Variants in ANKRD11 observed in about 807,000 individuals in gnomAD.
The protein encoded by ANKRD11 is ankyrin repeat domain 11, also known as ankyrin repeat domain-containing protein 11.
ANKRD11 carries 17 observed loss-of-function variants against 195.7 expected under a neutral mutation model. The ratio of observed to expected loss-of-function variants is 0.09; its 90% CI spans 0.06 to 0.13. ANKRD11 has a LOEUF of 0.13. Ranked by LOEUF, ANKRD11 falls within the 10% of genes least tolerant of loss-of-function variation. The pLI, the probability that ANKRD11 is intolerant of heterozygous loss-of-function variation, is 1.00. For synonymous variants in ANKRD11, 1,953 were observed against 1,528.1 expected (o/e 1.28, Z -6.49); for missense variants, 3,735 against 3,566.1 (o/e 1.05, Z -1.21).
intron 2 of ANKRD11, among the ~76,000 whole-genome samples, chr16:89,341,758 C>T (rs1232401018): frequency 6.6e-6 from 1 of 152,214 alleles, no homozygotes; most frequent in Non-Finnish European, 1.5e-5. Flanking sequence ...TCTCTCTGCA[C>T]AAACGTGCAC....
At chr16:89,369,470 G>A (rs141216394) in intron 2 of ANKRD11, among the ~76,000 whole-genome samples, 1,942 of 152,312 alleles carry the variant, frequency 0.013, 22 homozygotes, top group South Asian at 0.037. Context: ...GCATGGGTGC[G>A]CCGCAACAGC....
At chr16:89,478,536 G>A (rs2057336335) in intron 1 of ANKRD11, among the ~76,000 whole-genome samples, 1 of 152,070 alleles carries the variant, frequency 6.6e-6, no homozygotes, top group South Asian at 2.1e-4. Flanking sequence ...CTCCAAAAAA[G>A]CAACCTGGAC....
chr16:89,303,112 G>T (rs959185431), intron 4 of ANKRD11, among the ~76,000 whole-genome samples: 1 of 152,126 alleles, frequency 6.6e-6, no homozygotes, highest in Non-Finnish European at 1.5e-5. Context: ...GGTAGCCCTG[G>T]GAACGCCACC....
At chr16:89,414,943 A>G (rs906533531) in intron 2 of ANKRD11, among the ~76,000 whole-genome samples, 1 of 152,142 alleles carries the variant, frequency 6.6e-6, no homozygotes, top group African/African-American at 2.4e-5. Flanking sequence ...CACCTGTAAC[A>G]TTCTTATTCT....
chr16:89,469,360 T>C (rs1051288239), intron 1 of ANKRD11, among the ~76,000 whole-genome samples: 2 of 152,054 alleles, frequency 1.3e-5, no homozygotes, highest in East Asian at 1.9e-4. Flanking sequence ...CAGCTGGGAA[T>C]AGAGGCAAAC....
In ANKRD11 at chr16:89,328,539, T is replaced by C. The variant is rs12598938; in HGVS notation, c.-59-11461A>G. On this transcript the variant is annotated intron_variant, in intron 2 of 12. Coordinates refer to ENST00000301030, the MANE Select transcript of ANKRD11 (RefSeq NM_013275.6). ...ATGGCTATGGATACACCCAAGCGTA[T>C]GGGTGAATCTGCAGAGGCCCCTGCT... Among the ~76,000 whole-genome samples, 337 of 151,612 alleles carry C rather than the reference T, an allele frequency of 2.2e-3. 3 individuals carry two copies. The highest frequency in any genetic ancestry group is 7.9e-3 in the African/African-American group (322 of 40,914).
At chr16:89,471,531 G>A (rs908021115) in intron 1 of ANKRD11, among the ~76,000 whole-genome samples, 1 of 151,412 alleles carries the variant, frequency 6.6e-6, no homozygotes. Flanking sequence ...GGTGCCTCAC[G>A]CCTATAATCC....
At chr16:89,334,373 A>C (rs2038238598) in intron 2 of ANKRD11, among the ~76,000 whole-genome samples, 1 of 152,000 alleles carries the variant, frequency 6.6e-6, no homozygotes, top group Non-Finnish European at 1.5e-5. Context: ...GAACAGAAAC[A>C]ACCTCCTCTC....
intron 2 of ANKRD11, among the ~76,000 whole-genome samples, chr16:89,413,476 T>C (rs1266342450): frequency 1.3e-5 from 2 of 152,040 alleles, no homozygotes; most frequent in African/African-American, 4.8e-5. Context: ...ATACAAAAAA[T>C]TAGCCGGGCG....
intron 4 of ANKRD11, chr16:89,301,431 A>C (rs2035846835): frequency 7.6e-6 from 3 of 397,064 alleles, no homozygotes; most frequent in African/African-American, 2.1e-5. Flanking sequence ...ACAGACTTCA[A>C]AAGCAGATAC....
chr16:89,318,145 G>A (rs552061515), intron 2 of ANKRD11, among the ~76,000 whole-genome samples: 1 of 152,312 alleles, frequency 6.6e-6, no homozygotes, highest in African/African-American at 2.4e-5. Flanking sequence ...GCGACACACG[G>A]TGCGAGCGCA....
chr16:89,394,013 C>T (rs186684639), intron 2 of ANKRD11, among the ~76,000 whole-genome samples: 21 of 152,320 alleles, frequency 1.4e-4, no homozygotes, highest in Admixed American at 1.3e-3. Context: ...TCCCAGACCC[C>T]AGTGTTTGCT....
chr16:89,269,528 G>A (rs893829189), intron 12 of ANKRD11, among the ~76,000 whole-genome samples: 1 of 152,054 alleles, frequency 6.6e-6, no homozygotes, highest in Admixed American at 6.6e-5. Flanking sequence ...ATACCCTTTG[G>A]ATGTTCCAAA....
chr16:89,376,433 C>A (rs1261738731), intron 2 of ANKRD11, among the ~76,000 whole-genome samples: 2 of 152,130 alleles, frequency 1.3e-5, no homozygotes, highest in Admixed American at 6.6e-5. Context: ...TGTGCCTGAA[C>A]AGGGTTTTGT....
intron 1 of ANKRD11, 87 bp from the exon 2 acceptor site, chr16:89,418,455 A>C (rs1334415266): frequency 5.2e-6 from 2 of 383,116 alleles, no homozygotes; most frequent in Non-Finnish European, 1.1e-5. Context: ...CATTTGGTCC[A>C]CACGGTTTAT....
intron 1 of ANKRD11, among the ~76,000 whole-genome samples, chr16:89,423,617 A>T (rs2042601560): frequency 6.6e-6 from 1 of 152,236 alleles, no homozygotes; most frequent in Admixed American, 6.5e-5. Flanking sequence ...CACCTGACCC[A>T]ACTCAACTCA....
chr16:89,292,717 C>G (rs1895665645), intron 4 of ANKRD11, among the ~76,000 whole-genome samples: 1 of 152,244 alleles, frequency 6.6e-6, no homozygotes, highest in Non-Finnish European at 1.5e-5. Context: ...TTGGCCCCAG[C>G]CCCTCATAGA....
intron 2 of ANKRD11, among the ~76,000 whole-genome samples, chr16:89,391,727 G>C (rs945783495): frequency 6.6e-6 from 1 of 152,304 alleles, no homozygotes; most frequent in East Asian, 1.9e-4. Flanking sequence ...AAGCACACTT[G>C]TAAGAAGTAA....
intron 2 of ANKRD11, among the ~76,000 whole-genome samples, chr16:89,398,299 G>A (rs1367569915): frequency 6.7e-6 from 1 of 149,676 alleles, no homozygotes; most frequent in East Asian, 2.0e-4. Flanking sequence ...ACTCTGGGAG[G>A]CTGACATGAG....
Sources: allele counts gnomAD v4.1 joint callset (sites outside exome capture counted in the v4.1 genomes callset), GRCh38; gene constraint gnomAD v4.1.1; transcripts MANE v1.5; gene names NCBI Gene and HGNC (gene_info 2026-07-23, HGNC 2026-07-21).